ATE1: variants seen among roughly 807,000 people sequenced by gnomAD.
ATE1 encodes arginyl-tRNA--protein transferase 1.
A neutral mutation model predicts 70.5 loss-of-function variants in ATE1; 36 were observed. The observed-to-expected ratio is 0.51, with a 90% CI of 0.39 to 0.67. The LOEUF is 0.67. ATE1 is among the 30% of genes least tolerant of loss of function. ATE1 has a pLI of 0.00. For synonymous variants in ATE1, 232 were observed against 219.3 expected, an observed-to-expected ratio of 1.06 and a Z score of -0.51; for missense variants, 593 against 629.5, an observed-to-expected ratio of 0.94 and a Z score of 0.62.
At chr10:121,816,412 A>T (rs1188751587) in intron 10 of ATE1, among the ~76,000 whole-genome samples, 1 of 152,196 alleles carries the variant, frequency 6.6e-6, no homozygotes, top group Admixed American at 6.5e-5. Flanking sequence ...TGATTATGTC[A>T]TGAGGGCTCC....
At chr10:121,849,454 G>A (rs1281014416) in intron 8 of ATE1, among the ~76,000 whole-genome samples, 3 of 152,140 alleles carry the variant, frequency 2.0e-5, no homozygotes, top group African/African-American at 7.2e-5. Flanking sequence ...GTCATAACCA[G>A]TTTGTCCTAC....
At chr10:121,891,642 G>C (rs1287652421) in intron 7 of ATE1, among the ~76,000 whole-genome samples, 1 of 152,092 alleles carries the variant, frequency 6.6e-6, no homozygotes, top group Non-Finnish European at 1.5e-5. Context: ...GAAAAGAATT[G>C]CTTAGAATAG....
chr10:121,888,802 G>T (rs1399672523), intron 7 of ATE1, among the ~76,000 whole-genome samples: 1 of 152,156 alleles, frequency 6.6e-6, no homozygotes, highest in African/African-American at 2.4e-5. Flanking sequence ...AGCGATGAGA[G>T]TTAACAGTCT....
chr10:121,830,737 T>G (rs190953258), intron 10 of ATE1, among the ~76,000 whole-genome samples: 2 of 152,300 alleles, frequency 1.3e-5, no homozygotes, highest in Admixed American at 6.5e-5. Context: ...ATTCCCAAAA[T>G]ATGATGCCAG....
intron 10 of ATE1, among the ~76,000 whole-genome samples, chr10:121,804,324 A>G (rs1189543840): frequency 6.6e-6 from 1 of 152,218 alleles, no homozygotes; most frequent in East Asian, 1.9e-4. Context: ...TTCTTCTACA[A>G]TGGCACCTAT....
chr10:121,888,741 C>A (rs1252729316), intron 7 of ATE1, among the ~76,000 whole-genome samples: 1 of 152,148 alleles, frequency 6.6e-6, no homozygotes, highest in Non-Finnish European at 1.5e-5. Flanking sequence ...AAAATTCCCA[C>A]CAACAGTAGA....
chr10:121,891,827 G>A (rs1370931612), intron 7 of ATE1, among the ~76,000 whole-genome samples: 11 of 151,696 alleles, frequency 7.3e-5, no homozygotes, highest in South Asian at 4.2e-4. Flanking sequence ...GTTTTCCAAC[G>A]AAAAAAGCAA....
At chr10:121,852,544 C>A (rs1949093773) in intron 8 of ATE1, among the ~76,000 whole-genome samples, 1 of 152,030 alleles carries the variant, frequency 6.6e-6, no homozygotes, top group African/African-American at 2.4e-5. Flanking sequence ...AACCCCTTCT[C>A]TACTAAAAAT....
At chr10:121,886,988 C>T (rs1355053221) in intron 7 of ATE1, among the ~76,000 whole-genome samples, 7 of 152,116 alleles carry the variant, frequency 4.6e-5, no homozygotes, top group Non-Finnish European at 1.0e-4. Flanking sequence ...GAAAACTTCT[C>T]GAGATTAAAG....
Position 121,790,165 on chromosome 10 carries a change from A to G in ATE1, c.1378+4T>C. ...TTTCCAGCTGAGCTCAGCTCCAAACATACCTGCTTCTGGGTCCTGGTTGAA... is the reference window on the plus strand; with the variant it reads ...TTTCCAGCTGAGCTCAGCTCCAAACGTACCTGCTTCTGGGTCCTGGTTGAA... On this transcript the variant is annotated splice_donor_region_variant and intron_variant, in intron 11 of 11. Coordinates refer to ENST00000224652, the MANE Select transcript of ATE1 (RefSeq NM_001001976.3). The G allele has an allele frequency of 6.2e-7, 1 of 1,613,936 alleles. No homozygotes were observed. The highest frequency in any genetic ancestry group is 8.5e-7 in the Non-Finnish European group (1 of 1,179,862).
intron 11 of ATE1, among the ~76,000 whole-genome samples, chr10:121,782,884 G>A (rs958764716): frequency 3.9e-5 from 6 of 152,116 alleles, no homozygotes; most frequent in African/African-American, 1.4e-4. Flanking sequence ...TCCTGCCCTC[G>A]AACATCGGAC....
rs542211742 is a variant in ATE1 at position 121,835,559 on chromosome 10, TG to T, written c.1257+1158del. Reference sequence around the variant, plus strand: ...CGCAAATATAATGTATGAACCTTACTGAGTCCTAAGTCAAACAAATTGACTG... The same window carrying T: ...CGCAAATATAATGTATGAACCTTACTAGTCCTAAGTCAAACAAATTGACTG... On this transcript the variant is annotated intron_variant, in intron 10 of 11. Coordinates refer to ENST00000224652, the MANE Select transcript of ATE1 (RefSeq NM_001001976.3). 2.5e-4 allele frequency among the ~76,000 whole-genome samples: 38 copies of T among 152,154 alleles called. No individual in the cohort carries two copies. The South Asian group carries it at 7.5e-3, about 30-fold the overall frequency.
intron 4 of ATE1, among the ~76,000 whole-genome samples, chr10:121,911,454 A>AC (rs1220349769): frequency 6.6e-6 from 1 of 151,602 alleles, no homozygotes; most frequent in African/African-American, 2.4e-5. Flanking sequence ...AAAAAAAAAA[A>AC]AAAAAACAAA....
intron 10 of ATE1, among the ~76,000 whole-genome samples, chr10:121,802,312 C>T (rs1946915737): frequency 2.3e-5 from 1 of 43,710 alleles, no homozygotes; most frequent in Non-Finnish European, 5.6e-5. Context: ...ATGTCTACTC[C>T]ACTTTTTTTT....
chr10:121,924,908 A>G (rs1394954188), intron 1 of ATE1, among the ~76,000 whole-genome samples: 1 of 152,198 alleles, frequency 6.6e-6, no homozygotes, highest in Non-Finnish European at 1.5e-5. Flanking sequence ...CTATGACAGC[A>G]TAAATTTAAG....
intron 10 of ATE1, among the ~76,000 whole-genome samples, chr10:121,811,020 A>G (rs1457080776): frequency 6.6e-6 from 1 of 152,218 alleles, no homozygotes; most frequent in African/African-American, 2.4e-5. Flanking sequence ...TTTTTAAAAT[A>G]AAGTTTGCCA....
chr10:121,848,754 T>C (rs1226139021), intron 8 of ATE1, among the ~76,000 whole-genome samples: 1 of 143,294 alleles, frequency 7.0e-6, no homozygotes, highest in Non-Finnish European at 1.5e-5. Flanking sequence ...CTACTAAAAA[T>C]GAAAAAATTA....
intron 3 of ATE1, among the ~76,000 whole-genome samples, chr10:121,916,459 T>C (rs1171380585): frequency 6.6e-6 from 1 of 152,194 alleles, no homozygotes; most frequent in African/African-American, 2.4e-5. Context: ...ATGTAACTCT[T>C]ATGCACTTTC....
At chr10:121,783,453 T>G (rs1443124684) in intron 11 of ATE1, among the ~76,000 whole-genome samples, 1 of 152,136 alleles carries the variant, frequency 6.6e-6, no homozygotes, top group Non-Finnish European at 1.5e-5. Context: ...TATATTAAGA[T>G]TCTCACTTTT....
Sources: gnomAD v4.1 joint callset for allele counts (sites outside exome capture counted in the v4.1 genomes callset) on GRCh38, gnomAD v4.1.1 for gene constraint, MANE v1.5 for transcripts, NCBI Gene and HGNC (gene_info 2026-07-23, HGNC 2026-07-21) for gene names.